Variants in RSBN1 observed in about 807,000 individuals in gnomAD.
The protein encoded by RSBN1 is lysine-specific demethylase 9.
Under a neutral mutation model 74.8 loss-of-function variants are expected in RSBN1, and 23 were observed. The observed-to-expected ratio is 0.31, with a 90% CI of 0.22 to 0.44. RSBN1 has a LOEUF of 0.44. Among genes scored for constraint, RSBN1 ranks in the 20% least tolerant of loss-of-function variants. RSBN1 has a pLI of 1.00. For synonymous variants in RSBN1, 407 were observed against 379.6 expected (o/e 1.07, Z -0.84); for missense variants, 808 against 1,020.9 (o/e 0.79, Z 2.84).
chr1:113,801,701 T>C (rs141058183), intron 1 of RSBN1, among the ~76,000 whole-genome samples: 1 of 152,352 alleles, frequency 6.6e-6, no homozygotes, highest in East Asian at 1.9e-4. Context: ...ACCTACACTA[T>C]ACCTGTGATT....
chr1:113,795,970 A>T (rs1215075309), intron 2 of RSBN1, among the ~76,000 whole-genome samples: 1 of 152,138 alleles, frequency 6.6e-6, no homozygotes, highest in South Asian at 2.1e-4. Context: ...TTTCTAAACT[A>T]AAAAAATGAT....
rs867402781 is a variant in RSBN1 at position 113,777,544 on chromosome 1, A to G, written c.1515+127T>C. The G allele has an allele frequency of 5.6e-5, 57 of 1,019,488 alleles. 1 individual carries two copies. The Middle Eastern group carries it at 3.3e-3, about 59-fold the overall frequency. The allele number at this position is 1,019,488 out of a possible 1,614,324, so 63.2% of individuals were successfully genotyped here. The stretch of plus-strand genomic sequence containing the variant: ...ACTTTGTACTAATATTATTCTATCT[A>G]AACATTTCTGTGCAAAACACTGGAT... On this transcript the variant is annotated intron_variant, in intron 3 of 6. Coordinates refer to ENST00000261441, the MANE Select transcript of RSBN1 (RefSeq NM_018364.5).
chr1:113,787,343 T>G (rs1179977364), intron 2 of RSBN1, among the ~76,000 whole-genome samples: 2 of 152,184 alleles, frequency 1.3e-5, no homozygotes, highest in Non-Finnish European at 2.9e-5. Context: ...AGAACAGAAG[T>G]AAAAACTACA....
intron 5 of RSBN1, chr1:113,767,988 TTG>T (rs897181988): frequency 2.9e-6 from 1 of 341,220 alleles, no homozygotes; most frequent in African/African-American, 2.1e-5. Flanking sequence ...AGAGGAATTG[TTG>T]TTCAGTGAGT....
intron 2 of RSBN1, among the ~76,000 whole-genome samples, chr1:113,789,359 C>T (rs1274947974): frequency 6.6e-6 from 1 of 152,208 alleles, no homozygotes; most frequent in Non-Finnish European, 1.5e-5. Flanking sequence ...CATACCCCAA[C>T]TCTACGGGGA....
At chr1:113,778,258 C>T (rs918962845) in intron 2 of RSBN1, among the ~76,000 whole-genome samples, 1 of 151,246 alleles carries the variant, frequency 6.6e-6, no homozygotes, top group South Asian at 2.1e-4. Flanking sequence ...TACCAGGATA[C>T]GAGGCTCACT....
chr1:113,775,420 C>T (rs1253292286), intron 4 of RSBN1, among the ~76,000 whole-genome samples: 6 of 151,922 alleles, frequency 3.9e-5, no homozygotes, highest in Admixed American at 2.0e-4. Context: ...CAGCTCACTG[C>T]GACCTCGGCC....
In RSBN1 at chr1:113,777,360, T is replaced by G; in HGVS notation, c.1516-8A>C. ...ACCCCAGGGCAAAGTCATCTAGAAA[T>G]CAGACGGATTAGTCACATTAAAAAA... is the stretch of plus-strand genomic sequence containing the variant. On this transcript the variant is annotated splice_region_variant and splice_polypyrimidine_tract_variant and intron_variant, in intron 3 of 6. Transcript: ENST00000261441. 6.2e-7 allele frequency: 1 copy of G among 1,603,198 alleles called. No homozygotes were observed. The highest frequency in any genetic ancestry group is 8.5e-7 in the Non-Finnish European group (1 of 1,174,322).
chr1:113,808,288 T>C (rs1262911166), intron 1 of RSBN1, among the ~76,000 whole-genome samples: 4 of 152,198 alleles, frequency 2.6e-5, no homozygotes, highest in African/African-American at 9.6e-5. Flanking sequence ...CATCTCCAGA[T>C]TATTTATACC....
At position 113,777,763 on chromosome 1, in the gene RSBN1, G is replaced by A; in HGVS notation, c.1423C>T (p.Arg475Trp). Reference sequence around the variant, plus strand: ...ACTGCTCCAACGAGACTTATCTGCCGCATAGGACCTGCTCGGTAGGTGCCA... The same window carrying A: ...ACTGCTCCAACGAGACTTATCTGCCACATAGGACCTGCTCGGTAGGTGCCA... ...CCGTYRAGPMRQISLVGAVDE... is the reference protein window; with the variant it reads ...CCGTYRAGPMWQISLVGAVDE... Residue 475 changes from arginine to tryptophan, a missense_variant, in exon 3 of 7, where the codon CGG (arginine) becomes TGG (tryptophan). By Grantham distance (101) the Arg-to-Trp change is moderately radical. This residue lies in a region of RSBN1 where 112 missense variants were observed against 257.3 expected (regional missense o/e 0.44). Transcript: ENST00000261441. 4 of 1,608,780 alleles carry A rather than the reference G, an allele frequency of 2.5e-6. No homozygotes were observed. Among genetic ancestry groups the A allele is most frequent in the South Asian group, 1.1e-5 (1 of 90,200 alleles).
chr1:113,785,175 A>G (rs563524712), intron 2 of RSBN1, among the ~76,000 whole-genome samples: 27 of 152,262 alleles, frequency 1.8e-4, no homozygotes, highest in African/African-American at 6.5e-4. Context: ...AAAGATACAA[A>G]TGCACACATT....
At chr1:113,796,490 T>C (rs1210639886) in intron 2 of RSBN1, among the ~76,000 whole-genome samples, 4 of 151,858 alleles carry the variant, frequency 2.6e-5, no homozygotes, top group Non-Finnish European at 5.9e-5. Context: ...GGCAACAATC[T>C]ATTTACCTAA....
intron 2 of RSBN1, among the ~76,000 whole-genome samples, chr1:113,794,251 A>G (rs550343416): frequency 6.6e-6 from 1 of 152,298 alleles, no homozygotes; most frequent in African/African-American, 2.4e-5. Context: ...TGACATGGTT[A>G]CTATCGTAAC....
chr1:113,801,944 CT>C, intron 1 of RSBN1, among the ~76,000 whole-genome samples: 1 of 151,700 alleles, frequency 6.6e-6, no homozygotes, highest in Non-Finnish European at 1.5e-5. Flanking sequence ...AAAAAAACAG[CT>C]TTCTATATTA....
chr1:113,766,189 A>G lies in RSBN1; in HGVS notation c.2200T>C (p.Ser734Pro). Residue 734 changes from serine to proline, a missense_variant, in exon 7 of 7, where the codon TCC (serine) becomes CCC (proline). This residue lies in a region of RSBN1 where 91 missense variants were observed against 99.6 expected (regional missense o/e 0.91). Coordinates refer to ENST00000261441, the MANE Select transcript of RSBN1 (RefSeq NM_018364.5). ...LTGKRELEVD[S>P]QCVRIKTESE... Reference sequence around the variant, plus strand: ...TCAGTTTTTATCCTCACACATTGGGAGTCAACTTCTAATTCTCGCTTTCCA... The same window carrying G: ...TCAGTTTTTATCCTCACACATTGGGGGTCAACTTCTAATTCTCGCTTTCCA... 2 of 1,614,086 alleles carry G rather than the reference A, an allele frequency of 1.2e-6. No individual in the cohort carries two copies. The highest frequency in any genetic ancestry group is 8.5e-7 in the Non-Finnish European group (1 of 1,179,962).
intron 1 of RSBN1, among the ~76,000 whole-genome samples, 186 bp from the exon 2 acceptor site, chr1:113,798,222 G>C (rs1303017335): frequency 6.6e-6 from 1 of 151,894 alleles, no homozygotes; most frequent in East Asian, 1.9e-4. Flanking sequence ...TTGAAGAAAA[G>C]AATAAAATTG....
At position 113,767,081 on chromosome 1, in the gene RSBN1, T is replaced by TA. The variant is rs1659795504; in HGVS notation, c.1935+17dup. 3 of 1,425,640 alleles carry TA rather than the reference T, an allele frequency of 2.1e-6. No individual in the cohort carries two copies. In the East Asian group the frequency reaches 6.9e-5, roughly 33 times the overall value. 88.3% of individuals were successfully genotyped at this position (1,425,640 alleles called of 1,614,324 possible). ...TTACTTCTAATATCGCAAATGGTGATAAAACATAAGTTATTACCTGGGAAA... is the reference window on the plus strand; with the variant it reads ...TTACTTCTAATATCGCAAATGGTGATAAAAACATAAGTTATTACCTGGGAAA... On this transcript the variant is annotated intron_variant, in intron 6 of 6. Coordinates refer to ENST00000261441, the MANE Select transcript of RSBN1 (RefSeq NM_018364.5).
At chr1:113,806,838 C>CAAAAAAAA (rs140139729) in intron 1 of RSBN1, among the ~76,000 whole-genome samples, 1 of 78,924 alleles carries the variant, frequency 1.3e-5, no homozygotes. Flanking sequence ...CTGCCTCTAT[C>CAAAAAAAA]AAAAAAAAAA....
In RSBN1 at chr1:113,765,765, C is replaced by T; in HGVS notation, c.*215G>A. 2.3e-6 allele frequency: 1 copy of T among 437,040 alleles called. No individual in the cohort carries two copies. 27.1% of individuals were successfully genotyped at this position (437,040 alleles called of 1,614,324 possible). A position where few individuals can be genotyped will look rare whatever the true frequency, so the allele number is the denominator to read the frequency against. ...CTTAAAACAGAAAGTAGCAGCAGAC[C>T]CACTATTACATACTGTACTAACGGG... On this transcript the variant is annotated 3_prime_UTR_variant, in exon 7 of 7. Coordinates refer to ENST00000261441, the MANE Select transcript of RSBN1 (RefSeq NM_018364.5).
Sources: gnomAD v4.1 joint callset for allele counts (sites outside exome capture counted in the v4.1 genomes callset) on GRCh38, gnomAD v4.1.1 for gene constraint, gnomAD v4.1.1 regional missense constraint, MANE v1.5 for transcripts, NCBI Gene and HGNC (gene_info 2026-07-23, HGNC 2026-07-21) for gene names.